Variants in TEX14 observed in about 807,000 individuals in gnomAD.
TEX14 encodes inactive serine/threonine-protein kinase TEX14.
TEX14 carries 168 observed loss-of-function variants against 178.6 expected under a neutral mutation model. That is an observed-to-expected ratio of 0.94 (90% confidence interval 0.83 to 1.07). The LOEUF is 1.07. Ranked by LOEUF, TEX14 falls within the 50% of genes least tolerant of loss-of-function variation. TEX14 has a pLI of 0.00. For synonymous variants in TEX14, 626 were observed against 634.1 expected (o/e 0.99, Z 0.19); for missense variants, 1,730 against 1,753.6 (o/e 0.99, Z 0.24).
intron 17 of TEX14, among the ~76,000 whole-genome samples, chr17:58,587,124 T>C (rs1012556804): frequency 6.6e-5 from 10 of 152,242 alleles, no homozygotes; most frequent in Non-Finnish European, 1.5e-5. Flanking sequence ...TTGGTCTTTA[T>C]TTAGAAGTAT....
Position 58,682,603 on chromosome 17 carries a change from T to C in TEX14, c.-2+9336A>G, listed in dbSNP as rs563321175. On this transcript the variant is annotated intron_variant, in intron 1 of 31. Coordinates refer to ENST00000349033, the MANE Select transcript of TEX14 (RefSeq NM_031272.5). Reference sequence around the variant, plus strand: ...GTGTTTTATTTCACAAAACAAAATGTTGATAATTTACAGGCCCACCTCAGC... The same window carrying C: ...GTGTTTTATTTCACAAAACAAAATGCTGATAATTTACAGGCCCACCTCAGC... 2.0e-5 allele frequency among the ~76,000 whole-genome samples: 3 copies of C among 151,958 alleles called. No individual in the cohort carries two copies. In the South Asian group the frequency reaches 6.2e-4, roughly 32 times the overall value.
At chr17:58,686,926 C>A (rs1299603416) in intron 1 of TEX14, among the ~76,000 whole-genome samples, 1 of 136,682 alleles carries the variant, frequency 7.3e-6, no homozygotes, top group Non-Finnish European at 1.5e-5. Flanking sequence ...CACCCTAGAG[C>A]GCAGGGGAGG....
chr17:58,560,459 A>G (rs146237572), intron 29 of TEX14, among the ~76,000 whole-genome samples: 1 of 152,348 alleles, frequency 6.6e-6, no homozygotes, highest in Non-Finnish European at 1.5e-5. Context: ...CATTACTAAA[A>G]TAAGTGTAAA....
At chr17:58,581,869 T>C (rs1223028600) in intron 19 of TEX14, 6 of 893,608 alleles carry the variant, frequency 6.7e-6, no homozygotes, top group Non-Finnish European at 1.0e-5. Flanking sequence ...TCTCCCTACC[T>C]CTTTGTGCAT....
intron 2 of TEX14, among the ~76,000 whole-genome samples, chr17:58,642,838 C>CG (rs1376997711): frequency 6.6e-6 from 1 of 152,140 alleles, no homozygotes; most frequent in Non-Finnish European, 1.5e-5. Context: ...GTGTGACTAT[C>CG]ACTCCAGTAC....
intron 14 of TEX14, among the ~76,000 whole-genome samples, chr17:58,594,079 C>T (rs1226428915): frequency 6.6e-6 from 1 of 152,114 alleles, no homozygotes; most frequent in Non-Finnish European, 1.5e-5. Flanking sequence ...GTGATCCACC[C>T]ACCTCGGCCT....
At chr17:58,572,937 T>C (rs1037013163) in intron 23 of TEX14, among the ~76,000 whole-genome samples, 1 of 152,266 alleles carries the variant, frequency 6.6e-6, no homozygotes, top group African/African-American at 2.4e-5. Flanking sequence ...AGAGGAGATG[T>C]AGCATTTGCA....
At chr17:58,612,828 C>T (rs2045779878) in intron 9 of TEX14, among the ~76,000 whole-genome samples, 1 of 151,912 alleles carries the variant, frequency 6.6e-6, no homozygotes, top group African/African-American at 2.4e-5. Flanking sequence ...TCATTTGAGC[C>T]CAGGAGTTGG....
At chr17:58,645,425 C>T (rs571050497) in intron 2 of TEX14, among the ~76,000 whole-genome samples, 1 of 151,910 alleles carries the variant, frequency 6.6e-6, no homozygotes, top group Admixed American at 6.5e-5. Context: ...GTGGCGCGAT[C>T]TCGGCTCACT....
intron 2 of TEX14, among the ~76,000 whole-genome samples, chr17:58,638,747 T>C (rs1160012736): frequency 6.6e-6 from 1 of 151,640 alleles, no homozygotes; most frequent in East Asian, 1.9e-4. Context: ...TCCATGTTGG[T>C]CAGGCTGGTC....
chr17:58,631,575 T>C (rs754736851), intron 2 of TEX14: 11 of 151,252 alleles, frequency 7.3e-5, no homozygotes, highest in Non-Finnish European at 1.2e-4. Flanking sequence ...CATAACCTTA[T>C]ACTCAAAAAT....
At chr17:58,559,082 A>T (rs574575830) in intron 30 of TEX14, among the ~76,000 whole-genome samples, 43 of 152,310 alleles carry the variant, frequency 2.8e-4, no homozygotes, top group Non-Finnish European at 5.3e-4. Flanking sequence ...AGGCAGGGGA[A>T]TCACTTGAAC....
At chr17:58,617,647 C>T (rs302860) in intron 5 of TEX14, 28 bp from the exon 6 acceptor site, 1 of 1,552,978 alleles carries the variant, frequency 6.4e-7, no homozygotes, top group Non-Finnish European at 8.9e-7. Context: ...AGGAAAAAAA[C>T]CTCAGAATTA....
intron 21 of TEX14, among the ~76,000 whole-genome samples, chr17:58,575,539 A>T (rs146667031): frequency 2.6e-5 from 4 of 152,360 alleles, no homozygotes; most frequent in Admixed American, 1.3e-4. Flanking sequence ...CTCCTTCTAA[A>T]TAATACAACA....
chr17:58,563,728 A>T (rs1418056124), intron 28 of TEX14, among the ~76,000 whole-genome samples: 7 of 143,752 alleles, frequency 4.9e-5, no homozygotes, highest in Non-Finnish European at 1.1e-4. Context: ...ATGTATGTAT[A>T]TAGAGAGAGA....
chr17:58,605,821 A>G (rs2045593734), intron 10 of TEX14, among the ~76,000 whole-genome samples: 1 of 152,168 alleles, frequency 6.6e-6, no homozygotes. Flanking sequence ...TTGGTTTCAG[A>G]GCACTTATTA....
chr17:58,591,432 C>T (rs181943479), intron 15 of TEX14, among the ~76,000 whole-genome samples: 155 of 152,178 alleles, frequency 1.0e-3, no homozygotes, highest in Non-Finnish European at 2.1e-3. Context: ...GCAGGAGAAT[C>T]GCTTGAACCT....
At chr17:58,582,192 A>G (rs2044837970) in intron 19 of TEX14, among the ~76,000 whole-genome samples, 1 of 152,210 alleles carries the variant, frequency 6.6e-6, no homozygotes, top group South Asian at 2.1e-4. Flanking sequence ...CAAATGAAGA[A>G]GCATTTTAAA....
chr17:58,680,681 A>C (rs1163244876), intron 1 of TEX14, among the ~76,000 whole-genome samples: 2 of 152,096 alleles, frequency 1.3e-5, no homozygotes, highest in African/African-American at 4.8e-5. Flanking sequence ...GGTTGCAATG[A>C]GCTGAGATCA....
Sources: allele counts gnomAD v4.1 joint callset (sites outside exome capture counted in the v4.1 genomes callset), GRCh38; gene constraint gnomAD v4.1.1; transcripts MANE v1.5; gene names NCBI Gene and HGNC (gene_info 2026-07-23, HGNC 2026-07-21).